COG6: variants seen among roughly 807,000 people sequenced by gnomAD.
COG6 encodes component of oligomeric golgi complex 6.
In COG6, 74 loss-of-function variants were observed where a neutral mutation model predicts 88.8. That is an observed-to-expected ratio of 0.83 (90% CI 0.69 to 1.01). The LOEUF is 1.01. Among genes scored for constraint, COG6 ranks in the 50% least tolerant of loss-of-function variants. The probability of loss-of-function intolerance (pLI) is 0.00; values close to 1 mark genes in which losing one functional copy is unlikely to be tolerated. For synonymous variants in COG6, 286 were observed against 278.7 expected (o/e 1.03, Z -0.26); for missense variants, 800 against 797.9 (o/e 1.00, Z -0.03).
At chr13:39,687,878 C>G in intron 10 of COG6, 79 bp downstream of exon 10, 1 of 983,280 alleles carries the variant, frequency 1.0e-6, no homozygotes, top group East Asian at 2.5e-5. Flanking sequence ...TTGTTGCCAT[C>G]TTCTTCACTT....
chr13:39,735,839 C>G (rs575917686), intron 18 of COG6, among the ~76,000 whole-genome samples: 61 of 151,556 alleles, frequency 4.0e-4, no homozygotes, highest in African/African-American at 1.5e-3. Context: ...TCATGCCACT[C>G]TCTCCTGTCC....
intron 17 of COG6, 139 bp from the exon 18 acceptor site, chr13:39,727,330 C>T (rs1879183664): frequency 1.4e-6 from 1 of 701,710 alleles, no homozygotes; most frequent in Non-Finnish European, 2.6e-6. Context: ...AGAAAATACA[C>T]AATTTGAACA....
intron 18 of COG6, among the ~76,000 whole-genome samples, chr13:39,743,018 G>A (rs533120490): frequency 1.7e-3 from 254 of 152,228 alleles, no homozygotes; most frequent in Non-Finnish European, 3.0e-3. Context: ...GGTACATAAC[G>A]AAATCAAGGC....
At chr13:39,672,218 TATAATA>T (rs1198747104) in intron 4 of COG6, among the ~76,000 whole-genome samples, 2 of 152,170 alleles carry the variant, frequency 1.3e-5, no homozygotes, top group East Asian at 3.9e-4. Context: ...TTTGTACAGT[TATAATA>T]ATACATGTAA....
At chr13:39,730,268 CAA>C (rs952674531) in intron 18 of COG6, among the ~76,000 whole-genome samples, 6 of 152,030 alleles carry the variant, frequency 3.9e-5, no homozygotes, top group African/African-American at 7.2e-5. Context: ...ATACTACAAA[CAA>C]GAGTTTGAAA....
rs966504612 is a variant in COG6, at chr13:39,712,022, G to A, written c.1285-7214G>A. Among the ~76,000 whole-genome samples the A allele has an allele frequency of 2.0e-5, 3 of 152,104 alleles. No individual in the cohort carries two copies. In the East Asian group the frequency reaches 5.8e-4, roughly 29 times the overall value. ...TTACAGGTATGCGCCACCATGCCCA[G>A]CTAATTTTTGTATTTTTAGTAGAGA... On this transcript the variant is annotated intron_variant, in intron 13 of 18. Coordinates refer to ENST00000455146, the MANE Select transcript of COG6 (RefSeq NM_020751.3).
intron 4 of COG6, 149 bp downstream of exon 4, chr13:39,665,303 TA>T (rs1875181965): frequency 1.7e-6 from 1 of 606,008 alleles, no homozygotes; most frequent in Admixed American, 3.0e-5. Flanking sequence ...AATAGTAACT[TA>T]AGCATAAAGA....
At chr13:39,716,092 T>G (rs994210787) in intron 13 of COG6, among the ~76,000 whole-genome samples, 7 of 152,080 alleles carry the variant, frequency 4.6e-5, no homozygotes, top group Non-Finnish European at 5.9e-5. Context: ...ACTGTGGAAC[T>G]TGAAATATGT....
intron 8 of COG6, among the ~76,000 whole-genome samples, chr13:39,684,300 G>A (rs1876505532): frequency 1.7e-5 from 2 of 119,502 alleles, no homozygotes; most frequent in Admixed American, 2.1e-4. Flanking sequence ...CCAGGCTGGA[G>A]TGCAGTGACG....
chr13:39,743,642 C>G (rs549341769), intron 18 of COG6, among the ~76,000 whole-genome samples: 19 of 151,998 alleles, frequency 1.3e-4, no homozygotes, highest in Non-Finnish European at 2.1e-4. Context: ...AAGTCCAGGA[C>G]CAGATGGATT....
intron 11 of COG6, among the ~76,000 whole-genome samples, chr13:39,693,365 T>C (rs1015142280): frequency 2.3e-4 from 35 of 152,098 alleles, no homozygotes; most frequent in Middle Eastern, 3.4e-3. Context: ...AAGAATATTT[T>C]CTTGATGCCT....
At chr13:39,702,475 A>G (rs887179816) in intron 13 of COG6, among the ~76,000 whole-genome samples, 3 of 152,052 alleles carry the variant, frequency 2.0e-5, no homozygotes, top group Non-Finnish European at 4.4e-5. Context: ...GAAATATACT[A>G]AATGAGTATA....
chr13:39,773,584 A>G (rs1281646372), intron 18 of COG6, among the ~76,000 whole-genome samples: 2 of 152,230 alleles, frequency 1.3e-5, no homozygotes, highest in African/African-American at 4.8e-5. Flanking sequence ...CTGGGCCACT[A>G]TCACTTAGGA....
At chr13:39,725,891 A>G (rs1879110710) in intron 17 of COG6, among the ~76,000 whole-genome samples, 1 of 151,896 alleles carries the variant, frequency 6.6e-6, no homozygotes, top group Non-Finnish European at 1.5e-5. Flanking sequence ...CTATGCTCAC[A>G]CTTAGATCTG....
chr13:39,663,884 C>T (rs1462463236), intron 3 of COG6: 3 of 99,630 alleles, frequency 3.0e-5, no homozygotes, highest in Non-Finnish European at 4.3e-5. Context: ...TGAGACCCTG[C>T]CTCTTTAAAA....
At chr13:39,682,605 C>T in intron 8 of COG6, 2 of 238,090 alleles carry the variant, frequency 8.4e-6, no homozygotes, top group South Asian at 5.7e-5. Flanking sequence ...CCTACAGAGA[C>T]TGAAGTCATA....
chr13:39,688,073 A>C (rs1876768832), intron 10 of COG6, among the ~76,000 whole-genome samples: 1 of 152,168 alleles, frequency 6.6e-6, no homozygotes, highest in Non-Finnish European at 1.5e-5. Context: ...ACTTTTAAGA[A>C]ATTTCTGGAA....
intron 14 of COG6, 87 bp downstream of exon 14, chr13:39,719,454 C>A: frequency 7.5e-7 from 1 of 1,332,886 alleles, no homozygotes; most frequent in Non-Finnish European, 1.1e-6. Flanking sequence ...AATTCATATA[C>A]TTTGACAGTC....
intron 18 of COG6, among the ~76,000 whole-genome samples, chr13:39,741,079 GCAGTTCATTTCTTATCT>G (rs1880017586): frequency 6.6e-6 from 1 of 152,152 alleles, no homozygotes; most frequent in Admixed American, 6.6e-5. Flanking sequence ...TTGGAAGTAA[GCAGTTCATTTCTTATCT>G]CAGTTCAGTT....
Sources: gnomAD v4.1 joint callset for allele counts (sites outside exome capture counted in the v4.1 genomes callset) on GRCh38, gnomAD v4.1.1 for gene constraint, MANE v1.5 for transcripts, NCBI Gene and HGNC (gene_info 2026-07-23, HGNC 2026-07-21) for gene names.